Variants in STARD13 observed in about 807,000 individuals in gnomAD.
STARD13 encodes the protein stAR-related lipid transfer protein 13.
STARD13 carries 62 observed loss-of-function variants against 106.4 expected under a neutral mutation model. That is an observed-to-expected ratio of 0.58 (90% CI 0.48 to 0.72). The LOEUF (loss-of-function observed/expected upper bound fraction) is 0.72, where lower values mean the gene tolerates loss of function less well. Among genes scored for constraint, STARD13 ranks in the 30% least tolerant of loss-of-function variants. The probability of loss-of-function intolerance (pLI) is 0.00; values close to 1 mark genes in which losing one functional copy is unlikely to be tolerated. For missense variants in STARD13, 1,387 were observed against 1,424.0 expected (o/e 0.97, Z 0.42); for synonymous variants, 565 against 553.0 (o/e 1.02, Z -0.31).
chr13:33,243,639 C>T (rs950562450), intron 1 of STARD13, among the ~76,000 whole-genome samples: 2 of 152,088 alleles, frequency 1.3e-5, no homozygotes, highest in African/African-American at 4.8e-5. Flanking sequence ...TGTGACAGGC[C>T]AGGGATAATG....
In STARD13 at chr13:33,122,321, C is replaced by T. The variant is rs757179544; in HGVS notation, c.2082+3760G>A. On this transcript the variant is annotated intron_variant, in intron 7 of 13. Transcript: ENST00000336934. ...CTGATCACAGTGGATGGGCAGGCAA[C>T]AGCCCCAGCTCCCTCAGCTTCGTTA... Among the ~76,000 whole-genome samples the T allele has an allele frequency of 1.3e-5, 2 of 152,248 alleles. 1 individual carries two copies. Among genetic ancestry groups the T allele is most frequent in the Admixed American group, 1.3e-4 (2 of 15,288 alleles).
At position 33,175,314 on chromosome 13, in the gene STARD13, A is replaced by G. The variant is rs142493602; in HGVS notation, c.170-7692T>C. Among the ~76,000 whole-genome samples, 937 of 152,300 alleles carry G rather than the reference A, an allele frequency of 6.2e-3. 8 individuals are homozygous for G. Among genetic ancestry groups the G allele is most frequent in the Non-Finnish European group, 9.3e-3 (635 of 68,018 alleles). ...GAGCCACTGCCTACCACTAAATCCC[A>G]AGAGATTCTTCAAGATGGAGTCAGT... On this transcript the variant is annotated intron_variant, in intron 1 of 13. Transcript: ENST00000336934.
intron 1 of STARD13, among the ~76,000 whole-genome samples, chr13:33,173,809 T>C (rs1884234096): frequency 6.6e-6 from 1 of 152,154 alleles, no homozygotes; most frequent in Non-Finnish European, 1.5e-5. Context: ...CAATAAAATA[T>C]CTGACTGTCA....
chr13:33,632,487 C>T, the STARD13 span, among the ~76,000 whole-genome samples: 16 of 152,190 alleles, frequency 1.1e-4, no homozygotes, highest in Non-Finnish European at 1.0e-4. Context: ...CTATATTGTA[C>T]CTACATGTCT....
chr13:33,211,453 A>G (rs1006795836), intron 1 of STARD13, among the ~76,000 whole-genome samples: 1 of 152,192 alleles, frequency 6.6e-6, no homozygotes, highest in Non-Finnish European at 1.5e-5. Flanking sequence ...CACTTGTTAT[A>G]TATGTGGGTT....
intron 1 of STARD13, among the ~76,000 whole-genome samples, chr13:33,187,761 T>C (rs1207984672): frequency 2.0e-5 from 3 of 152,168 alleles, no homozygotes; most frequent in African/African-American, 4.8e-5. Context: ...CAGCTCACTG[T>C]AACCTCCGCC....
the STARD13 span, chr13:33,439,644 A>T: frequency 9.0e-7 from 1 of 1,105,994 alleles, no homozygotes. Context: ...AGCTCTCCAA[A>T]CAACTTTTAT....
chr13:33,529,537 G>A, the STARD13 span, among the ~76,000 whole-genome samples: 5 of 152,152 alleles, frequency 3.3e-5, no homozygotes, highest in Middle Eastern at 6.8e-3. Flanking sequence ...GCCAAGTGTT[G>A]TCCCAGGACT....
the STARD13 span, among the ~76,000 whole-genome samples, chr13:33,556,311 C>A: frequency 2.0e-5 from 3 of 152,168 alleles, no homozygotes; most frequent in Non-Finnish European, 4.4e-5. Context: ...AGACAGAGTC[C>A]TACTCTGTCA....
the STARD13 span, among the ~76,000 whole-genome samples, chr13:33,642,917 A>C: frequency 6.6e-6 from 1 of 151,830 alleles, no homozygotes; most frequent in African/African-American, 2.4e-5. Flanking sequence ...GTTTGGACTG[A>C]GGCAAGAGGT....
At chr13:33,179,701 A>G (rs1885043714) in intron 1 of STARD13, among the ~76,000 whole-genome samples, 1 of 152,218 alleles carries the variant, frequency 6.6e-6, no homozygotes, top group South Asian at 2.1e-4. Context: ...GGGATAGACA[A>G]AGACCCATCC....
intron 3 of STARD13, among the ~76,000 whole-genome samples, chr13:33,161,637 G>T (rs1356940971): frequency 3.3e-5 from 5 of 152,104 alleles, no homozygotes; most frequent in Non-Finnish European, 5.9e-5. Flanking sequence ...TGAGTGTGGT[G>T]GTGGTTATAA....
At chr13:33,348,544 T>C (rs1017992665), downstream of STARD13, 9 of 153,048 alleles carry the variant, frequency 5.9e-5, no homozygotes, top group South Asian at 4.1e-4. Flanking sequence ...TGAGGACCCA[T>C]TGATTTAACA....
At chr13:33,572,542 T>C in the STARD13 span, among the ~76,000 whole-genome samples, 1 of 152,338 alleles carries the variant, frequency 6.6e-6, no homozygotes, top group South Asian at 2.1e-4. Context: ...TCAAACTCTT[T>C]TAATTTGTTT....
chr13:33,132,536 C>G lies in STARD13; in HGVS notation c.388-2247G>C, dbSNP rs628511. ...TCTTTTTACTTATAAATAACCCAGT[C>G]TCAGGTATGTCTTTATCAGCAGCGT... is the stretch of plus-strand genomic sequence containing the variant. On this transcript the variant is annotated intron_variant, in intron 4 of 13. Coordinates refer to ENST00000336934, the MANE Select transcript of STARD13 (RefSeq NM_178006.4). Among the ~76,000 whole-genome samples, 468 of 152,150 alleles carry G rather than the reference C, an allele frequency of 3.1e-3. 1 individual carries two copies. The highest frequency in any genetic ancestry group is 4.2e-3 in the Non-Finnish European group (286 of 67,992).
chr13:33,174,951 A>G (rs1281390866), intron 1 of STARD13, among the ~76,000 whole-genome samples: 1 of 152,224 alleles, frequency 6.6e-6, no homozygotes, highest in Non-Finnish European at 1.5e-5. Flanking sequence ...GTGTGCTCAT[A>G]TACACATTTG....
the STARD13 span, among the ~76,000 whole-genome samples, chr13:33,473,256 G>A: frequency 6.6e-6 from 1 of 152,186 alleles, no homozygotes; most frequent in African/African-American, 2.4e-5. Flanking sequence ...CCTATAATGG[G>A]GCTTCATGTA....
the STARD13 span, among the ~76,000 whole-genome samples, chr13:33,455,808 G>A: frequency 6.6e-6 from 1 of 152,020 alleles, no homozygotes; most frequent in Non-Finnish European, 1.5e-5. Flanking sequence ...GCCGGGCATG[G>A]TGGCGTGCAT....
chr13:33,214,080 T>G (rs1266496625), intron 1 of STARD13, among the ~76,000 whole-genome samples: 1 of 152,178 alleles, frequency 6.6e-6, no homozygotes, highest in Non-Finnish European at 1.5e-5. Flanking sequence ...CATTCGGGGT[T>G]CGCATCACAA....
Sources: allele counts gnomAD v4.1 joint callset (sites outside exome capture counted in the v4.1 genomes callset), GRCh38; gene constraint gnomAD v4.1.1; transcripts MANE v1.5; gene names NCBI Gene and HGNC (gene_info 2026-07-23, HGNC 2026-07-21).